GP1BB: variants seen among roughly 807,000 people sequenced by gnomAD.
The protein encoded by GP1BB is glycoprotein Ib platelet subunit beta.
GP1BB carries 3 observed loss-of-function variants against 2.5 expected under a neutral mutation model. That is an observed-to-expected ratio of 1.22 (90% confidence interval 0.56 to 3.15). GP1BB has a LOEUF of 3.15. Among genes scored for constraint, GP1BB ranks in the 30% most tolerant of loss-of-function variants. GP1BB has a pLI of 0.03. For synonymous variants in GP1BB, 191 were observed against 167.5 expected (o/e 1.14, Z -1.08); for missense variants, 316 against 307.0 (o/e 1.03, Z -0.22).
At position 19,724,370 on chromosome 22, in the gene GP1BB, G is replaced by C. The variant is rs1418047795; in HGVS notation, c.527G>C (p.Arg176Pro). 1 of 1,503,126 alleles carries C rather than the reference G, an allele frequency of 6.7e-7. No individual in the cohort carries two copies. Among genetic ancestry groups the C allele is most frequent in the African/African-American group, 1.4e-5 (1 of 69,256 alleles). The allele number at this position is 1,503,126 out of a possible 1,614,324, so 93.1% of individuals were successfully genotyped here. A position where few individuals can be genotyped will look rare whatever the true frequency, so the allele number is the denominator to read the frequency against. The change falls in exon 2 of 2, where the codon CGG (arginine) becomes CCG (proline). Residue 176 changes from arginine to proline, a missense_variant. Physicochemically the swap from Arg to Pro is moderately radical, Grantham distance 103. Coordinates refer to ENST00000366425, the MANE Select transcript of GP1BB (RefSeq NM_000407.5). The stretch of plus-strand genomic sequence containing the variant: ...CTGGTGCTGCTGCTGTGCCGCCTGC[G>C]GAGGCTGCGGGCCCGGGCCCGCGCT... ...LLLVLLLCRLRRLRARARARA... is the reference protein window; with the variant it reads ...LLLVLLLCRLPRLRARARARA...
At position 19,724,091 on chromosome 22, in the gene GP1BB, C is replaced by T. The variant is rs1352034307; in HGVS notation, c.248C>T (p.Thr83Ile). ...CTGGACGCGCTGCCCGCGCTGCGCA[C>T]CGCACACCTGGGCGCCAACCCCTGG... ...GLLDALPALR[T>I]AHLGANPWRC... The change falls in exon 2 of 2, where the codon ACC (threonine) becomes ATC (isoleucine). Residue 83 changes from threonine to isoleucine, a missense_variant. Coordinates refer to ENST00000366425, the MANE Select transcript of GP1BB (RefSeq NM_000407.5). 13 of 1,483,336 alleles carry T rather than the reference C, an allele frequency of 8.8e-6. No individual in the cohort carries two copies. The highest frequency in any genetic ancestry group is 2.9e-5 in the African/African-American group (2 of 68,228). 91.9% of individuals were successfully genotyped at this position (1,483,336 alleles called of 1,614,324 possible). A position where few individuals can be genotyped will look rare whatever the true frequency, so the allele number is the denominator to read the frequency against.
At position 19,724,366 on chromosome 22, in the gene GP1BB, C is replaced by T. The variant is rs867158722; in HGVS notation, c.523C>T (p.Leu175=). ...GCTGCTGGTGCTGCTGCTGTGCCGC[C>T]TGCGGAGGCTGCGGGCCCGGGCCCG... ...ALLLVLLLCR[L]RRLRARARAR... The change falls in exon 2 of 2, where the codon CTG becomes TTG. Residue 175 remains leucine, a synonymous_variant. Coordinates refer to ENST00000366425, the MANE Select transcript of GP1BB (RefSeq NM_000407.5). The T allele has an allele frequency of 6.7e-7, 1 of 1,499,570 alleles. No homozygotes were observed. The highest frequency in any genetic ancestry group is 8.9e-7 in the Non-Finnish European group (1 of 1,127,556). The allele number at this position is 1,499,570 out of a possible 1,614,324, so 92.9% of individuals were successfully genotyped here. A position where few individuals can be genotyped will look rare whatever the true frequency, so the allele number is the denominator to read the frequency against.
rs1287059748 is a variant in GP1BB at position 19,724,728 on chromosome 22, T to G, written c.*264T>G. On this transcript the variant is annotated 3_prime_UTR_variant, in exon 2 of 2. Transcript: ENST00000366425. ...ACAATGCGGTCCAGACCCTGCTGCG[T>G]CTCCCTTCCAAACTCTGGTGCTGAA... is the stretch of plus-strand genomic sequence containing the variant. The G allele has an allele frequency of 1.9e-6, 1 of 519,216 alleles. No individual in the cohort carries two copies. Among genetic ancestry groups the G allele is most frequent in the African/African-American group, 2.0e-5 (1 of 50,770 alleles). 32.2% of individuals were successfully genotyped at this position (519,216 alleles called of 1,614,324 possible).
chr22:19,723,601 GC>G, intron 1 of GP1BB, 22 bp downstream of exon 1: 2 of 1,593,700 alleles, frequency 1.3e-6, no homozygotes. Flanking sequence ...GTCCGGTCGG[GC>G]CCCCGGCTGC....
Position 19,724,495 on chromosome 22 carries a change from C to T in GP1BB, c.*31C>T, listed in dbSNP as rs764695476. 4 of 1,429,714 alleles carry T rather than the reference C, an allele frequency of 2.8e-6. No homozygotes were observed. Among genetic ancestry groups the T allele is most frequent in the Non-Finnish European group, 3.8e-6 (4 of 1,039,426 alleles). 88.6% of individuals were successfully genotyped at this position (1,429,714 alleles called of 1,614,324 possible). On this transcript the variant is annotated 3_prime_UTR_variant, in exon 2 of 2. Coordinates refer to ENST00000366425, the MANE Select transcript of GP1BB (RefSeq NM_000407.5). ...GAACCGGTGCGTCCTGAGGAGAGAA[C>T]CGGCGCTGGGCAACACGGGCCTGCA...
rs1358169213 is a variant in GP1BB, at chr22:19,723,936, C to T, written c.93C>T (p.Ser31=). The T allele has an allele frequency of 6.6e-7, 1 of 1,524,554 alleles. No individual in the cohort carries two copies. The highest frequency in any genetic ancestry group is 8.8e-7 in the Non-Finnish European group (1 of 1,142,694). The allele number at this position is 1,524,554 out of a possible 1,614,324, so 94.4% of individuals were successfully genotyped here. A position where few individuals can be genotyped will look rare whatever the true frequency, so the allele number is the denominator to read the frequency against. ...RPAAGCPAPC[S]CAGTLVDCGR... ...CCGCAGGTTGCCCGGCGCCCTGTAG[C>T]TGCGCGGGGACGCTCGTGGACTGCG... Residue 31 remains serine (S), a synonymous_variant, in exon 2 of 2, where the codon AGC becomes AGT. Transcript: ENST00000366425.
At position 19,723,998 on chromosome 22, in the gene GP1BB, C is replaced by A; in HGVS notation, c.155C>A (p.Ala52Asp). 6.5e-7 allele frequency: 1 copy of A among 1,536,568 alleles called. No homozygotes were observed. The change falls in exon 2 of 2, where the codon GCC becomes GAC. Residue 52 changes from alanine (A) to aspartate (D), a missense_variant. Ala to Asp is a moderately radical substitution (Grantham distance 126). Coordinates refer to ENST00000366425, the MANE Select transcript of GP1BB (RefSeq NM_000407.5). ...RGLTWASLPT[A>D]FPVDTTELVL... is the part of the protein sequence containing the mutation. The stretch of plus-strand genomic sequence containing the variant: ...CTGACTTGGGCCTCGCTGCCGACCG[C>A]CTTCCCTGTCGACACAACCGAGCTG...
rs759074545 is a variant in GP1BB at position 19,724,444 on chromosome 22, G to A, written c.601G>A (p.Ala201Thr). Residue 201 changes from alanine (A) to threonine (T), a missense_variant, in exon 2 of 2, where the codon GCC becomes ACC. Transcript: ENST00000366425. ...GACCGACCCGCTGGTGGCCGAGCGAGCCGGAACCGACGAGTCCTGAGGAGA... is the reference window on the plus strand; with the variant it reads ...GACCGACCCGCTGGTGGCCGAGCGAACCGGAACCGACGAGTCCTGAGGAGA... ...SLTDPLVAER[A>T]GTDES is the part of the protein sequence containing the mutation. 9.7e-6 allele frequency: 15 copies of A among 1,544,882 alleles called. No homozygotes were observed. In the South Asian group the frequency reaches 1.8e-4, roughly 18 times the overall value.
At chr22:19,723,660 G>T (rs1446414761) in intron 1 of GP1BB, 81 bp downstream of exon 1, 2 of 1,496,268 alleles carry the variant, frequency 1.3e-6, no homozygotes, top group African/African-American at 2.8e-5. Flanking sequence ...TTTGGCTGCA[G>T]CTGGGAGAGA....
Position 19,724,638 on chromosome 22 carries a change from A to C in GP1BB, c.*174A>C. 1.6e-6 allele frequency: 1 copy of C among 631,298 alleles called. No individual in the cohort carries two copies. Among genetic ancestry groups the C allele is most frequent in the Admixed American group, 2.4e-5 (1 of 42,470 alleles). The allele number at this position is 631,298 out of a possible 1,614,324, so 39.1% of individuals were successfully genotyped here. A position where few individuals can be genotyped will look rare whatever the true frequency, so the allele number is the denominator to read the frequency against. Reference sequence around the variant, plus strand: ...GCAGGCCCAGACCACGTGGGACAGAACTCCTGCCCACCCTACCCCGAGGGA... The same window carrying C: ...GCAGGCCCAGACCACGTGGGACAGACCTCCTGCCCACCCTACCCCGAGGGA... On this transcript the variant is annotated 3_prime_UTR_variant, in exon 2 of 2. Coordinates refer to ENST00000366425, the MANE Select transcript of GP1BB (RefSeq NM_000407.5).
chr22:19,724,263 T>G lies in GP1BB; in HGVS notation c.420T>G (p.Ala140=), dbSNP rs1936119653. Residue 140 remains alanine (A), a synonymous_variant, in exon 2 of 2, where the codon GCT becomes GCG. Transcript: ENST00000366425. ...TGGCCGAGGACGAGCTGCGCGCCGC[T>G]TGCGCTCCCGGCCCGCTCTGCTGGG... The part of the protein sequence containing the change: ...PYLAEDELRA[A]CAPGPLCWGA... 4 of 1,249,590 alleles carry G rather than the reference T, an allele frequency of 3.2e-6. No homozygotes were observed. The highest frequency in any genetic ancestry group is 8.7e-5 in the Admixed American group (2 of 22,908). The allele number at this position is 1,249,590 out of a possible 1,614,324, so 77.4% of individuals were successfully genotyped here.
At position 19,724,548 on chromosome 22, in the gene GP1BB, C is replaced by T. The variant is rs970178718; in HGVS notation, c.*84C>T. 144 of 991,658 alleles carry T rather than the reference C, an allele frequency of 1.5e-4. No homozygotes were observed. The East Asian group carries it at 2.3e-3, about 16-fold the overall frequency. The allele number at this position is 991,658 out of a possible 1,614,324, so 61.4% of individuals were successfully genotyped here. Reference sequence around the variant, plus strand: ...CTCGACAGGACCCTGCCCGAGGGGCCCTCGCGCCAACCTGGACCGGTCCCC... The same window carrying T: ...CTCGACAGGACCCTGCCCGAGGGGCTCTCGCGCCAACCTGGACCGGTCCCC... On this transcript the variant is annotated 3_prime_UTR_variant, in exon 2 of 2. Transcript: ENST00000366425.
At position 19,723,993 on chromosome 22, in the gene GP1BB, G is replaced by C; in HGVS notation, c.150G>C (p.Pro50=). 6.5e-7 allele frequency: 1 copy of C among 1,535,338 alleles called. No homozygotes were observed. Among genetic ancestry groups the C allele is most frequent in the Non-Finnish European group, 8.7e-7 (1 of 1,148,324 alleles). Residue 50 remains proline, a synonymous_variant, in exon 2 of 2, where the codon CCG becomes CCC. Transcript: ENST00000366425. ...GCGGGCTGACTTGGGCCTCGCTGCC[G>C]ACCGCCTTCCCTGTCGACACAACCG... ...GRRGLTWASL[P]TAFPVDTTEL...
At position 19,724,411 on chromosome 22, in the gene GP1BB, C is replaced by T; in HGVS notation, c.568C>T (p.Leu190=). The T allele has an allele frequency of 6.5e-7, 1 of 1,541,614 alleles. No individual in the cohort carries two copies. Among genetic ancestry groups the T allele is most frequent in the African/African-American group, 1.4e-5 (1 of 72,358 alleles). ...ARARARAAAR[L]SLTDPLVAER... is the part of the protein sequence containing the mutation. ...GGCCCGCGCTCGCGCCGCAGCCCGG[C>T]TGTCGCTGACCGACCCGCTGGTGGC... Residue 190 remains leucine (L), a synonymous_variant, in exon 2 of 2, where the codon CTG becomes TTG. Coordinates refer to ENST00000366425, the MANE Select transcript of GP1BB (RefSeq NM_000407.5).
At position 19,723,912 on chromosome 22, in the gene GP1BB, C is replaced by T; in HGVS notation, c.69C>T (p.Ala23=). 6.6e-7 allele frequency: 1 copy of T among 1,522,306 alleles called. No homozygotes were observed. Among genetic ancestry groups the T allele is most frequent in the Non-Finnish European group, 8.8e-7 (1 of 1,141,878 alleles). The allele number at this position is 1,522,306 out of a possible 1,614,324, so 94.3% of individuals were successfully genotyped here. Residue 23 remains alanine, a synonymous_variant, in exon 2 of 2, where the codon GCC becomes GCT. Transcript: ENST00000366425. ...TGCTGGCCCCGCCGAGCCGCCCGGC[C>T]GCAGGTTGCCCGGCGCCCTGTAGCT... is the stretch of plus-strand genomic sequence containing the variant. ...LLLLAPPSRP[A]AGCPAPCSCA...
In GP1BB at chr22:19,723,908, C is replaced by T. The variant is rs1414455088; in HGVS notation, c.65C>T (p.Pro22Leu). Residue 22 changes from proline (P) to leucine (L), a missense_variant, in exon 2 of 2, where the codon CCG (proline) becomes CTG (leucine). By Grantham distance (98) the Pro-to-Leu change is moderately conservative. Coordinates refer to ENST00000366425, the MANE Select transcript of GP1BB (RefSeq NM_000407.5). ...CTGCTGCTGGCCCCGCCGAGCCGCC[C>T]GGCCGCAGGTTGCCCGGCGCCCTGT... Reference protein sequence around the residue: ...LLLLLAPPSRPAAGCPAPCSC... With the variant: ...LLLLLAPPSRLAAGCPAPCSC... The T allele has an allele frequency of 4.6e-6, 7 of 1,521,822 alleles. No individual in the cohort carries two copies. In the African/African-American group the frequency reaches 9.9e-5, roughly 21 times the overall value. 94.3% of individuals were successfully genotyped at this position (1,521,822 alleles called of 1,614,324 possible).
Position 19,724,216 on chromosome 22 carries a change from C to G in GP1BB, c.373C>G (p.Arg125Gly), listed in dbSNP as rs1936118231. ...GCGTTGCGTGGCGCCCCCAGCGCTGCGCGGCCGCCTGCTGCCCTATCTGGC... is the reference window on the plus strand; with the variant it reads ...GCGTTGCGTGGCGCCCCCAGCGCTGGGCGGCCGCCTGCTGCCCTATCTGGC... ...DLRCVAPPAL[R>G]GRLLPYLAED... The change falls in exon 2 of 2, where the codon CGC (arginine) becomes GGC (glycine). Residue 125 changes from arginine (R) to glycine (G), a missense_variant. By Grantham distance (125) the Arg-to-Gly change is moderately radical (BLOSUM62 -2). Coordinates refer to ENST00000366425, the MANE Select transcript of GP1BB (RefSeq NM_000407.5). The G allele has an allele frequency of 8.2e-7, 1 of 1,225,734 alleles. No individual in the cohort carries two copies. The highest frequency in any genetic ancestry group is 3.5e-5 in the East Asian group (1 of 28,642). 75.9% of individuals were successfully genotyped at this position (1,225,734 alleles called of 1,614,324 possible). A position where few individuals can be genotyped will look rare whatever the true frequency, so the allele number is the denominator to read the frequency against.
Position 19,724,168 on chromosome 22 carries a change from G to A in GP1BB, c.325G>A (p.Glu109Lys). 7.8e-7 allele frequency: 1 copy of A among 1,289,760 alleles called. No homozygotes were observed. The highest frequency in any genetic ancestry group is 9.8e-7 in the Non-Finnish European group (1 of 1,021,198). The allele number at this position is 1,289,760 out of a possible 1,614,324, so 79.9% of individuals were successfully genotyped here. Reference sequence around the variant, plus strand: ...GCGCGCCTGGCTGGCCGGCCGCCCCGAGCGTGCGCCCTACCGCGACCTGCG... The same window carrying A: ...GCGCGCCTGGCTGGCCGGCCGCCCCAAGCGTGCGCCCTACCGCGACCTGCG... Reference protein sequence around the residue: ...PLRAWLAGRPERAPYRDLRCV... With the variant: ...PLRAWLAGRPKRAPYRDLRCV... Residue 109 changes from glutamate to lysine, a missense_variant, in exon 2 of 2, where the codon GAG becomes AAG. Glu to Lys is a moderately conservative substitution (Grantham distance 56). Coordinates refer to ENST00000366425, the MANE Select transcript of GP1BB (RefSeq NM_000407.5).
chr22:19,724,096 C>G lies in GP1BB; in HGVS notation c.253C>G (p.His85Asp). The G allele has an allele frequency of 6.8e-7, 1 of 1,465,766 alleles. No individual in the cohort carries two copies. Among genetic ancestry groups the G allele is most frequent in the Non-Finnish European group, 9.0e-7 (1 of 1,112,500 alleles). The allele number at this position is 1,465,766 out of a possible 1,614,324, so 90.8% of individuals were successfully genotyped here. A position where few individuals can be genotyped will look rare whatever the true frequency, so the allele number is the denominator to read the frequency against. Reference protein sequence around the residue: ...LDALPALRTAHLGANPWRCDC... With the variant: ...LDALPALRTADLGANPWRCDC... ...CGCGCTGCCCGCGCTGCGCACCGCA[C>G]ACCTGGGCGCCAACCCCTGGCGCTG... The change falls in exon 2 of 2, where the codon CAC becomes GAC. Residue 85 changes from histidine (H) to aspartate (D), a missense_variant. Transcript: ENST00000366425.
Sources: allele counts gnomAD v4.1 joint callset, GRCh38; gene constraint gnomAD v4.1.1; transcripts MANE v1.5; gene names NCBI Gene and HGNC (gene_info 2026-07-23, HGNC 2026-07-21).